The following SUGCT variants were observed in gnomAD, a reference collection of about 807,000 sequenced individuals.
SUGCT encodes the protein succinyl-CoA:glutarate-CoA transferase, also known as succinyl-CoA:glutarate CoA-transferase.
In SUGCT, 41 loss-of-function variants were observed where a neutral mutation model predicts 55.0. That is an observed-to-expected ratio of 0.74 (90% CI 0.58 to 0.97). The LOEUF (loss-of-function observed/expected upper bound fraction) is 0.97, where lower values mean the gene tolerates loss of function less well. SUGCT is among the 50% of genes least tolerant of loss of function. SUGCT has a pLI of 0.00. For missense variants in SUGCT, 568 were observed against 547.8 expected (o/e 1.04, Z -0.37); for synonymous variants, 187 against 200.4 (o/e 0.93, Z 0.56).
At chr7:40,239,573 A>G (rs1187943464) in intron 7 of SUGCT, among the ~76,000 whole-genome samples, 1 of 152,240 alleles carries the variant, frequency 6.6e-6, no homozygotes, top group East Asian at 1.9e-4. Flanking sequence ...TTCTATATTC[A>G]AATGGTAAAA....
chr7:40,490,327 G>A (rs1194244872), intron 11 of SUGCT, among the ~76,000 whole-genome samples: 1 of 152,152 alleles, frequency 6.6e-6, no homozygotes, highest in Non-Finnish European at 1.5e-5. Flanking sequence ...CCTGTGCTTT[G>A]TTTCTAACTG....
At chr7:40,622,473 G>T (rs1453374668) in intron 12 of SUGCT, among the ~76,000 whole-genome samples, 1 of 150,828 alleles carries the variant, frequency 6.6e-6, no homozygotes, top group African/African-American at 2.4e-5. Flanking sequence ...CCAAAATGTG[G>T]AAGCTACTTT....
the SUGCT span, among the ~76,000 whole-genome samples, chr7:41,037,028 G>T: frequency 6.6e-6 from 1 of 152,142 alleles, no homozygotes; most frequent in Non-Finnish European, 1.5e-5. Context: ...AAGTGACTTC[G>T]ACTCTCATTA....
At chr7:40,981,210 GC>G in the SUGCT span, among the ~76,000 whole-genome samples, 2 of 152,146 alleles carry the variant, frequency 1.3e-5, no homozygotes, top group Admixed American at 6.5e-5. Context: ...AGGATTGGCA[GC>G]CCTGATGAAG....
At chr7:40,344,375 GGGTGGGCAAACTAGGGCCCAT>G (rs1797208237) in intron 9 of SUGCT, among the ~76,000 whole-genome samples, 1 of 151,914 alleles carries the variant, frequency 6.6e-6, no homozygotes, top group Non-Finnish European at 1.5e-5. Context: ...GATATTGCAG[GGGTGGGCAAACTAGGGCCCAT>G]GGATCTGTGC....
chr7:40,779,069 G>A (rs1024338440), intron 13 of SUGCT, among the ~76,000 whole-genome samples: 21 of 152,084 alleles, frequency 1.4e-4, no homozygotes, highest in South Asian at 6.2e-4. Context: ...GGGGTCTGAT[G>A]TTCTACACTG....
intron 13 of SUGCT, among the ~76,000 whole-genome samples, chr7:40,791,996 G>A (rs1241351198): frequency 6.6e-6 from 1 of 152,132 alleles, no homozygotes; most frequent in Non-Finnish European, 1.5e-5. Context: ...CATGAGCAAA[G>A]ATTTTAATCC....
chr7:40,706,863 C>T (rs1785439479), intron 12 of SUGCT, among the ~76,000 whole-genome samples: 1 of 152,202 alleles, frequency 6.6e-6, no homozygotes, highest in African/African-American at 2.4e-5. Flanking sequence ...ATCTGGCTGC[C>T]TCCTTTTTTC....
At chr7:40,720,849 A>G (rs1177315741) in intron 12 of SUGCT, among the ~76,000 whole-genome samples, 1 of 152,222 alleles carries the variant, frequency 6.6e-6, no homozygotes, top group East Asian at 1.9e-4. Context: ...AGAAAGCTTT[A>G]CAGCATGTTA....
intron 9 of SUGCT, among the ~76,000 whole-genome samples, chr7:40,373,064 A>G (rs1006179668): frequency 6.6e-6 from 1 of 152,004 alleles, no homozygotes; most frequent in African/African-American, 2.4e-5. Context: ...AGTAATTATT[A>G]CTAAACAATT....
the SUGCT span, among the ~76,000 whole-genome samples, chr7:40,891,712 T>G: frequency 6.6e-6 from 1 of 152,038 alleles, no homozygotes. Flanking sequence ...TGAAAACATA[T>G]GAAAATATAA....
chr7:40,371,880 T>C (rs1159603318), intron 9 of SUGCT, among the ~76,000 whole-genome samples: 2 of 152,038 alleles, frequency 1.3e-5, no homozygotes, highest in Non-Finnish European at 2.9e-5. Flanking sequence ...CTGGAATTTC[T>C]TTCTAATCCT....
intron 12 of SUGCT, among the ~76,000 whole-genome samples, chr7:40,706,590 T>C (rs1785420972): frequency 6.6e-6 from 1 of 152,126 alleles, no homozygotes; most frequent in African/African-American, 2.4e-5. Flanking sequence ...ATGGACTTGA[T>C]TATAATAAGT....
intron 12 of SUGCT, among the ~76,000 whole-genome samples, chr7:40,496,783 CCTCTGATCATATGATTATCT>C (rs1309587724): frequency 7.0e-6 from 1 of 142,178 alleles, no homozygotes; most frequent in Non-Finnish European, 1.5e-5. Context: ...TATGATTATA[CCTCTGATCATATGATTATCT>C]CTCTGATCAT....
intron 13 of SUGCT, among the ~76,000 whole-genome samples, chr7:40,857,008 G>A (rs1375103134): frequency 6.6e-6 from 1 of 152,034 alleles, no homozygotes; most frequent in Non-Finnish European, 1.5e-5. Context: ...CCCTTCAATA[G>A]GTATTGCTGA....
rs141635786 is a variant in SUGCT, at chr7:40,440,555, A to G, written c.817-8732A>G. On this transcript the variant is annotated intron_variant, in intron 9 of 13. Coordinates refer to ENST00000335693, the MANE Select transcript of SUGCT (RefSeq NM_001193313.2). ...TATCTCAAAAGCTCCTTAGAAACTT[A>G]AGCATCATCATGACACCTTTTTCCC... Among the ~76,000 whole-genome samples the G allele has an allele frequency of 2.0e-5, 3 of 152,244 alleles. No individual in the cohort carries two copies. In the East Asian group the frequency reaches 5.8e-4, roughly 29 times the overall value.
At chr7:40,389,171 C>T (rs979830516) in intron 9 of SUGCT, among the ~76,000 whole-genome samples, 1 of 151,968 alleles carries the variant, frequency 6.6e-6, no homozygotes, top group East Asian at 1.9e-4. Flanking sequence ...TTACTGAGGC[C>T]GGATGGGATG....
chr7:40,897,478 G>T, the SUGCT span, among the ~76,000 whole-genome samples: 5 of 149,650 alleles, frequency 3.3e-5, no homozygotes, highest in Non-Finnish European at 7.4e-5. Context: ...GTATATTTGG[G>T]GTTTACCTTC....
At chr7:41,010,180 T>C in the SUGCT span, among the ~76,000 whole-genome samples, 1 of 152,352 alleles carries the variant, frequency 6.6e-6, no homozygotes, top group African/African-American at 2.4e-5. Flanking sequence ...TTCCCAAACC[T>C]GAATGTAAAC....
Sources: gnomAD v4.1 joint callset for allele counts (sites outside exome capture counted in the v4.1 genomes callset) on GRCh38, gnomAD v4.1.1 for gene constraint, MANE v1.5 for transcripts, NCBI Gene and HGNC (gene_info 2026-07-23, HGNC 2026-07-21) for gene names.